C10orf67: variants seen among roughly 807,000 people sequenced by gnomAD.
C10orf67 encodes the protein uncharacterized protein C10orf67, mitochondrial.
Under a neutral mutation model 35.6 loss-of-function variants are expected in C10orf67, and 60 were observed. The ratio of observed to expected loss-of-function variants is 1.68; its 90% confidence interval spans 1.37 to 2.09. The LOEUF (loss-of-function observed/expected upper bound fraction) is 2.09, where lower values mean the gene tolerates loss of function less well. Ranked by LOEUF, C10orf67 falls within the 30% of genes most tolerant of loss-of-function variation. C10orf67 has a pLI of 0.00. For synonymous variants in C10orf67, 167 were observed against 115.8 expected (o/e 1.44, Z -2.84); for missense variants, 474 against 330.2 (o/e 1.44, Z -3.38).
At chr10:23,333,267 C>A in intron 1 of C10orf67, 85 bp from the exon 2 acceptor site, 2 of 1,301,850 alleles carry the variant, frequency 1.5e-6, no homozygotes, top group Non-Finnish European at 2.1e-6. Flanking sequence ...TTGTGTAAAT[C>A]ATATCGTATT....
chr10:23,250,321 T>C (rs1184092487), intron 12 of C10orf67, 134 bp downstream of exon 12: 5 of 392,668 alleles, frequency 1.3e-5, no homozygotes, highest in Non-Finnish European at 2.2e-5. Context: ...TTTAGACCAA[T>C]TATTTTGCAT....
chr10:23,295,943 C>A (rs544951293), intron 5 of C10orf67, among the ~76,000 whole-genome samples: 37 of 152,156 alleles, frequency 2.4e-4, no homozygotes, highest in Non-Finnish European at 4.7e-4. Context: ...ACAAAGTAAA[C>A]ACCTAAAGCA....
chr10:23,279,281 G>T (rs762292541), intron 8 of C10orf67, among the ~76,000 whole-genome samples: 4 of 152,206 alleles, frequency 2.6e-5, no homozygotes, highest in African/African-American at 9.6e-5. Flanking sequence ...ATTAGGCCAC[G>T]CTTGTGTCAT....
intron 5 of C10orf67, among the ~76,000 whole-genome samples, chr10:23,299,458 G>T (rs549584789): frequency 6.6e-6 from 1 of 152,082 alleles, no homozygotes; most frequent in Non-Finnish European, 1.5e-5. Context: ...CAACAAATGG[G>T]GTGTTCCTTC....
intron 4 of C10orf67, among the ~76,000 whole-genome samples, chr10:23,305,963 A>ATG (rs1554813949): frequency 1.4e-5 from 2 of 142,512 alleles, no homozygotes; most frequent in African/African-American, 5.7e-5. Context: ...AACGTTACAT[A>ATG]CGCGCACACA....
chr10:23,251,855 A>G (rs906811483), intron 10 of C10orf67, among the ~76,000 whole-genome samples: 2 of 152,198 alleles, frequency 1.3e-5, no homozygotes, highest in Non-Finnish European at 2.9e-5. Context: ...ATGCATAACA[A>G]TGTGGATTTT....
At chr10:23,322,350 C>T (rs1159118483) in intron 3 of C10orf67, 44 bp downstream of exon 3, 8 of 1,579,896 alleles carry the variant, frequency 5.1e-6, no homozygotes, top group Non-Finnish European at 6.9e-6. Context: ...CATCTAAGCA[C>T]AGTATCAATC....
In C10orf67 at chr10:23,204,006, G is replaced by C. The variant is rs1335111950; in HGVS notation, c.*167C>G. 2.6e-6 allele frequency: 1 copy of C among 383,786 alleles called. No homozygotes were observed. The highest frequency in any genetic ancestry group is 4.5e-5 in the Admixed American group (1 of 22,124). 23.8% of individuals were successfully genotyped at this position (383,786 alleles called of 1,614,324 possible). A position where few individuals can be genotyped will look rare whatever the true frequency, so the allele number is the denominator to read the frequency against. On this transcript the variant is annotated 3_prime_UTR_variant, in exon 16 of 16. Coordinates refer to ENST00000636213, the MANE Select transcript of C10orf67 (RefSeq NM_001371909.1). ...GGAGCGCGCACAAGGCGCGCATTGA[G>C]GTCTATTCGAGCGCAGTGCTGGTTA...
At chr10:23,341,934 G>A (rs1268670660) in intron 1 of C10orf67, among the ~76,000 whole-genome samples, 4 of 152,192 alleles carry the variant, frequency 2.6e-5, no homozygotes, top group Non-Finnish European at 5.9e-5. Context: ...TACTTTGGGA[G>A]GCCGAGGCTG....
intron 8 of C10orf67, among the ~76,000 whole-genome samples, chr10:23,272,909 T>A (rs1345741865): frequency 6.6e-6 from 1 of 152,238 alleles, no homozygotes; most frequent in Admixed American, 6.5e-5. Flanking sequence ...TTATGCGTAT[T>A]TTGCCATGTT....
intron 1 of C10orf67, among the ~76,000 whole-genome samples, chr10:23,342,023 G>C (rs1177947315): frequency 1.3e-5 from 2 of 152,064 alleles, no homozygotes; most frequent in African/African-American, 2.4e-5. Flanking sequence ...AATTAGCCAG[G>C]CAGGCTGGGG....
chr10:23,297,963 G>C (rs766376843), intron 5 of C10orf67, among the ~76,000 whole-genome samples: 1 of 152,160 alleles, frequency 6.6e-6, no homozygotes, highest in Non-Finnish European at 1.5e-5. Flanking sequence ...CGTAAACAAT[G>C]AGGCCAACCC....
chr10:23,286,005 A>T (rs1843514719), intron 7 of C10orf67, among the ~76,000 whole-genome samples: 1 of 152,070 alleles, frequency 6.6e-6, no homozygotes, highest in Non-Finnish European at 1.5e-5. Context: ...TTTTTGCTTT[A>T]ATTTGTTATT....
At chr10:23,268,793 T>C (rs1842947041) in intron 8 of C10orf67, among the ~76,000 whole-genome samples, 3 of 152,246 alleles carry the variant, frequency 2.0e-5, no homozygotes, top group Non-Finnish European at 2.9e-5. Flanking sequence ...GCCTAGACTT[T>C]ACGGCATAGC....
At chr10:23,320,888 C>A in intron 3 of C10orf67, 73 bp from the exon 4 acceptor site, 1 of 991,306 alleles carries the variant, frequency 1.0e-6, no homozygotes, top group South Asian at 1.6e-5. Flanking sequence ...TAGGGAGGGA[C>A]TCATAGTAAA....
chr10:23,236,251 GGGAAAAAAA>G lies in C10orf67; in HGVS notation c.1434+3469_1434+3477del, dbSNP rs1037526682. 9.5e-5 allele frequency among the ~76,000 whole-genome samples: 9 copies of G among 94,542 alleles called. 1 individual carries two copies. Among genetic ancestry groups the G allele is most frequent in the African/African-American group, 4.1e-4 (7 of 17,090 alleles). 62.0% of individuals were successfully genotyped at this position (94,542 alleles called of 152,430 possible). A position where few individuals can be genotyped will look rare whatever the true frequency, so the allele number is the denominator to read the frequency against. On this transcript the variant is annotated intron_variant, in intron 13 of 15. Transcript: ENST00000636213. ...GCGACAGAGCGAGACTCCCTCTCGG[GGGAAAAAAA>G]AAAAAAAAAAAAAAAAAAAAAAATT...
chr10:23,291,374 A>T, intron 5 of C10orf67, 95 bp from the exon 6 acceptor site: 1 of 610,244 alleles, frequency 1.6e-6, no homozygotes, highest in Non-Finnish European at 2.9e-6. Context: ...CTATCATATA[A>T]TTTTCTGAAT....
At chr10:23,319,311 C>T (rs1047386326) in intron 4 of C10orf67, among the ~76,000 whole-genome samples, 2 of 152,150 alleles carry the variant, frequency 1.3e-5, no homozygotes, top group Admixed American at 1.3e-4. Flanking sequence ...CCAGCTCCAT[C>T]CATGTTGCTG....
chr10:23,287,170 C>T (rs1383778611), intron 7 of C10orf67, among the ~76,000 whole-genome samples: 1 of 152,166 alleles, frequency 6.6e-6, no homozygotes, highest in East Asian at 1.9e-4. Flanking sequence ...ACAGCCAAGA[C>T]AATCCTAAGC....
Sources: gnomAD v4.1 joint callset for allele counts (sites outside exome capture counted in the v4.1 genomes callset) on GRCh38, gnomAD v4.1.1 for gene constraint, MANE v1.5 for transcripts, NCBI Gene and HGNC (gene_info 2026-07-23, HGNC 2026-07-21) for gene names.